The following CNTNAP2 variants were observed in gnomAD, a reference collection of about 807,000 sequenced individuals.
CNTNAP2 encodes the protein contactin-associated protein-like 2.
CNTNAP2 carries 98 observed loss-of-function variants against 155.2 expected under a neutral mutation model. The ratio of observed to expected loss-of-function variants is 0.63; its 90% CI spans 0.54 to 0.75. The LOEUF (loss-of-function observed/expected upper bound fraction) is 0.75, where lower values mean the gene tolerates loss of function less well. CNTNAP2 is among the 30% of genes least tolerant of loss of function. CNTNAP2 has a pLI of 0.00. For synonymous variants in CNTNAP2, 651 were observed against 631.2 expected (o/e 1.03, Z -0.47); for missense variants, 1,727 against 1,688.1 (o/e 1.02, Z -0.40).
At chr7:146,853,921 A>G (rs1291646862) in intron 3 of CNTNAP2, among the ~76,000 whole-genome samples, 1 of 152,196 alleles carries the variant, frequency 6.6e-6, no homozygotes, top group Non-Finnish European at 1.5e-5. Context: ...ATCTTAATTT[A>G]TACTTAATAA....
intron 1 of CNTNAP2, among the ~76,000 whole-genome samples, chr7:146,173,286 A>G (rs1798421206): frequency 6.6e-6 from 1 of 152,148 alleles, no homozygotes; most frequent in Admixed American, 6.5e-5. Context: ...GGATTGAATA[A>G]TACACTTTTT....
chr7:146,915,097 T>G (rs1362468979), intron 3 of CNTNAP2, among the ~76,000 whole-genome samples: 1 of 152,142 alleles, frequency 6.6e-6, no homozygotes, highest in Non-Finnish European at 1.5e-5. Flanking sequence ...CTTTATATTT[T>G]TGTTTCCTTT....
chr7:146,633,889 T>G (rs1585016637), intron 1 of CNTNAP2, among the ~76,000 whole-genome samples: 1 of 143,428 alleles, frequency 7.0e-6, no homozygotes. Context: ...AGTCAGTAGG[T>G]GTACTTTTGG....
chr7:146,745,895 GGTGCAT>G (rs1801802430), intron 1 of CNTNAP2, among the ~76,000 whole-genome samples: 1 of 152,090 alleles, frequency 6.6e-6, no homozygotes, highest in African/African-American at 2.4e-5. Context: ...AAATAGAAAG[GGTGCAT>G]GTATCTTGGA....
At chr7:147,263,982 T>TC (rs1804550542) in intron 8 of CNTNAP2, among the ~76,000 whole-genome samples, 2 of 152,324 alleles carry the variant, frequency 1.3e-5, no homozygotes, top group Middle Eastern at 6.8e-3. Context: ...CAGAGGACTG[T>TC]CTTGCATTTT....
intron 8 of CNTNAP2, among the ~76,000 whole-genome samples, chr7:147,227,519 TA>T (rs1415740403): frequency 6.6e-6 from 1 of 152,176 alleles, no homozygotes; most frequent in Non-Finnish European, 1.5e-5. Context: ...CAGGTCGTTT[TA>T]TTGGTAGGGC....
chr7:148,406,380 A>G lies in CNTNAP2; in HGVS notation c.3716-3011A>G, dbSNP rs1323929288. 2.2e-4 allele frequency among the ~76,000 whole-genome samples: 34 copies of G among 152,222 alleles called. 2 individuals are homozygous for G. The highest frequency in any genetic ancestry group is 2.2e-3 in the Admixed American group (34 of 15,288). ...ATCCAAATATCTAGTAAATATCTCC[A>G]CCTGGGTGCCCCATTAGCACCTCCA... On this transcript the variant is annotated intron_variant, in intron 22 of 23. Transcript: ENST00000361727.
chr7:146,390,704 CACTT>C (rs1326004534), intron 1 of CNTNAP2, among the ~76,000 whole-genome samples: 64 of 148,412 alleles, frequency 4.3e-4, no homozygotes, highest in Admixed American at 4.2e-3. Flanking sequence ...CAAAGCGACT[CACTT>C]AAACTCTTCA....
chr7:148,084,407 C>T (rs1803676638), intron 15 of CNTNAP2, among the ~76,000 whole-genome samples: 3 of 152,214 alleles, frequency 2.0e-5, no homozygotes, highest in Admixed American at 6.5e-5. Context: ...TGCCCCGGGA[C>T]TGTGCAGAAT....
At chr7:146,807,689 C>T (rs1448485915) in intron 2 of CNTNAP2, among the ~76,000 whole-genome samples, 1 of 151,928 alleles carries the variant, frequency 6.6e-6, no homozygotes, top group African/African-American at 2.4e-5. Context: ...TCTTTTCCCT[C>T]CCTCTACTTG....
chr7:147,851,581 AC>A (rs201729514), intron 13 of CNTNAP2, among the ~76,000 whole-genome samples: 1,667 of 152,312 alleles, frequency 0.011, 90 homozygotes, highest in Admixed American at 0.089. Context: ...ACCATGGAAT[AC>A]TATGCAGCCA....
chr7:146,749,077 T>A (rs1011057649), intron 1 of CNTNAP2, among the ~76,000 whole-genome samples: 2 of 152,166 alleles, frequency 1.3e-5, no homozygotes, highest in Non-Finnish European at 2.9e-5. Flanking sequence ...TCTTTGCAAT[T>A]GCTCTATCTA....
intron 1 of CNTNAP2, among the ~76,000 whole-genome samples, chr7:146,233,173 G>C (rs1799414613): frequency 6.9e-6 from 1 of 144,256 alleles, no homozygotes; most frequent in African/African-American, 2.5e-5. Context: ...CCAAAAAAAA[G>C]TGTTTTTTTT....
At chr7:148,243,646 C>G (rs932630711) in intron 20 of CNTNAP2, among the ~76,000 whole-genome samples, 3 of 152,016 alleles carry the variant, frequency 2.0e-5, no homozygotes, top group African/African-American at 7.3e-5. Context: ...ATCACAAGAA[C>G]AGCATGAGAA....
At chr7:147,107,049 A>G (rs922564635) in intron 4 of CNTNAP2, among the ~76,000 whole-genome samples, 20 of 152,122 alleles carry the variant, frequency 1.3e-4, no homozygotes, top group Non-Finnish European at 2.2e-4. Context: ...TGTAATTCTA[A>G]AGTTATTAGA....
intron 1 of CNTNAP2, among the ~76,000 whole-genome samples, chr7:146,742,722 GA>G (rs1388158973): frequency 7.2e-5 from 11 of 152,092 alleles, no homozygotes; most frequent in Non-Finnish European, 1.3e-4. Flanking sequence ...AAAGACTGGA[GA>G]AAAAATGTCA....
chr7:147,154,368 A>G (rs992550814), intron 8 of CNTNAP2, among the ~76,000 whole-genome samples: 1 of 152,186 alleles, frequency 6.6e-6, no homozygotes, highest in African/African-American at 2.4e-5. Flanking sequence ...ATGTTTGACA[A>G]TGGAATGATC....
chr7:148,398,601 T>C (rs1174913667), intron 22 of CNTNAP2, among the ~76,000 whole-genome samples: 4 of 152,226 alleles, frequency 2.6e-5, no homozygotes, highest in Non-Finnish European at 5.9e-5. Context: ...AATCCCTTCA[T>C]CCTTGCTTGA....
At chr7:148,018,456 A>G (rs1015549710) in intron 15 of CNTNAP2, among the ~76,000 whole-genome samples, 8 of 152,232 alleles carry the variant, frequency 5.3e-5, no homozygotes, top group South Asian at 2.1e-4. Flanking sequence ...GTTCAAAAAC[A>G]TATTTCAAAA....
Sources: gnomAD v4.1 joint callset for allele counts (sites outside exome capture counted in the v4.1 genomes callset) on GRCh38, gnomAD v4.1.1 for gene constraint, MANE v1.5 for transcripts, NCBI Gene and HGNC (gene_info 2026-07-23, HGNC 2026-07-21) for gene names.